The following ADCY9 variants were observed in gnomAD, a reference collection of about 807,000 sequenced individuals.
ADCY9 encodes adenylate cyclase 9.
A neutral mutation model predicts 101.5 loss-of-function variants in ADCY9; 50 were observed. The observed-to-expected ratio is 0.49, with a 90% CI of 0.39 to 0.62. The LOEUF (loss-of-function observed/expected upper bound fraction) is 0.62. Among genes scored for constraint, ADCY9 ranks in the 20% least tolerant of loss-of-function variants. ADCY9 has a pLI of 0.00. For missense variants in ADCY9, 1,662 were observed against 1,800.4 expected, an observed-to-expected ratio of 0.92 and a Z score of 1.39; for synonymous variants, 905 against 769.3, an observed-to-expected ratio of 1.18 and a Z score of -2.92.
intron 6 of ADCY9, among the ~76,000 whole-genome samples, chr16:3,985,009 G>C (rs2056178752): frequency 6.6e-6 from 1 of 152,242 alleles, no homozygotes; most frequent in South Asian, 2.1e-4. Context: ...CTGGGGGTTA[G>C]GGTTTGGTTC....
chr16:4,042,011 C>T (rs1451706881), intron 2 of ADCY9, among the ~76,000 whole-genome samples: 1 of 147,332 alleles, frequency 6.8e-6, no homozygotes, highest in African/African-American at 2.5e-5. Flanking sequence ...GCAACCTCTG[C>T]CTCCCGGGTT....
intron 2 of ADCY9, among the ~76,000 whole-genome samples, chr16:4,111,297 GTTTT>G (rs2057112355): frequency 6.6e-6 from 1 of 152,026 alleles, no homozygotes; most frequent in Admixed American, 6.6e-5. Flanking sequence ...TGTTGTTGTT[GTTTT>G]TTAAGACAGA....
chr16:4,013,450 G>A (rs1391411567), intron 2 of ADCY9, among the ~76,000 whole-genome samples: 2 of 151,922 alleles, frequency 1.3e-5, no homozygotes, highest in Non-Finnish European at 2.9e-5. Context: ...AAAAGAAAAA[G>A]AAGAAAAGAA....
intron 5 of ADCY9, among the ~76,000 whole-genome samples, chr16:3,956,503 T>TGG (rs34702342): frequency 1.4e-5 from 1 of 69,576 alleles, no homozygotes; most frequent in African/African-American, 4.0e-5. Flanking sequence ...TTTTTTTTTT[T>TGG]GGGGGGGGAT....
chr16:3,989,586 GT>G (rs935729275), intron 5 of ADCY9, among the ~76,000 whole-genome samples: 93 of 152,276 alleles, frequency 6.1e-4, no homozygotes, highest in Middle Eastern at 3.4e-3. Context: ...CACCATGTTG[GT>G]CAGGCTGGTC....
intron 2 of ADCY9, among the ~76,000 whole-genome samples, chr16:4,021,466 GC>G (rs1289269636): frequency 3.9e-5 from 6 of 152,228 alleles, no homozygotes; most frequent in Admixed American, 3.9e-4. Context: ...GCCTCGGGAG[GC>G]CCCCTACCCA....
intron 2 of ADCY9, among the ~76,000 whole-genome samples, chr16:4,018,096 C>G (rs1270895506): frequency 6.6e-6 from 1 of 152,256 alleles, no homozygotes; most frequent in Non-Finnish European, 1.5e-5. Context: ...TATACCTGCA[C>G]TGACACCTCC....
intron 2 of ADCY9, among the ~76,000 whole-genome samples, chr16:4,035,684 C>G (rs971747557): frequency 7.2e-5 from 11 of 152,090 alleles, no homozygotes; most frequent in Non-Finnish European, 1.6e-4. Context: ...CGACCTCCAG[C>G]CTCCCAGGTC....
chr16:4,011,335 T>A (rs541620852), intron 2 of ADCY9, among the ~76,000 whole-genome samples: 1 of 152,010 alleles, frequency 6.6e-6, no homozygotes, highest in African/African-American at 2.4e-5. Flanking sequence ...GGGCACTGTG[T>A]GGGCCATCCT....
In ADCY9 at chr16:3,964,600, C is replaced by G. The variant is rs1274335731; in HGVS notation, c.*1175G>C. The G allele has an allele frequency of 6.6e-6, 1 of 152,496 alleles. No individual in the cohort carries two copies. Among genetic ancestry groups the G allele is most frequent in the Non-Finnish European group, 1.5e-5 (1 of 68,268 alleles). 9.4% of individuals were successfully genotyped at this position (152,496 alleles called of 1,614,324 possible). A position where few individuals can be genotyped will look rare whatever the true frequency, so the allele number is the denominator to read the frequency against. On this transcript the variant is annotated 3_prime_UTR_variant, in exon 11 of 11. Coordinates refer to ENST00000294016, the MANE Select transcript of ADCY9 (RefSeq NM_001116.4). ...CAAGATGGCACCGGTGCTGCCGGCACAGACCCCCGTGGTTCTGAGCTGGAC... is the reference window on the plus strand; with the variant it reads ...CAAGATGGCACCGGTGCTGCCGGCAGAGACCCCCGTGGTTCTGAGCTGGAC...
chr16:4,044,965 G>A (rs971680142), intron 2 of ADCY9, among the ~76,000 whole-genome samples: 2 of 152,154 alleles, frequency 1.3e-5, no homozygotes, highest in Admixed American at 1.3e-4. Flanking sequence ...AGATGAGGCT[G>A]TGCTGGCTCG....
At chr16:4,057,168 T>C (rs1170713456) in intron 2 of ADCY9, among the ~76,000 whole-genome samples, 1 of 152,004 alleles carries the variant, frequency 6.6e-6, no homozygotes, top group Admixed American at 6.6e-5. Context: ...AAGAGAAGCG[T>C]CTGGTTCTGT....
chr16:4,004,824 G>A (rs1402735341), intron 3 of ADCY9, among the ~76,000 whole-genome samples: 1 of 152,210 alleles, frequency 6.6e-6, no homozygotes, highest in Non-Finnish European at 1.5e-5. Flanking sequence ...GCGTGGTGGA[G>A]CTGAACGGTG....
At chr16:3,986,924 G>A (rs1302890583) in intron 6 of ADCY9, among the ~76,000 whole-genome samples, 2 of 152,200 alleles carry the variant, frequency 1.3e-5, no homozygotes, top group Non-Finnish European at 2.9e-5. Context: ...TCCTTCAACA[G>A]CTCCCCATGG....
rs149661454 is a variant in ADCY9, at chr16:4,114,618, C to G, written c.825G>C (p.Gly275=). ...DEACFPSPGA[G]ALHWELLSRG... is the part of the protein sequence containing the mutation. ...TGCTCAGCAGCTCCCAGTGCAGGGC[C>G]CCGGCTCCGGGCGAGGGGAAGCAGG... Residue 275 remains glycine, a synonymous_variant, in exon 2 of 11, where the codon GGG becomes GGC. Coordinates refer to ENST00000294016, the MANE Select transcript of ADCY9 (RefSeq NM_001116.4). This position sits in a 1 kb window ranked among gnomAD's most constrained non-coding sequence, Gnocchi z 4.3. 4.9e-5 allele frequency: 79 copies of G among 1,613,746 alleles called. No homozygotes were observed. The African/African-American group carries it at 9.5e-4, about 19-fold the overall frequency.
chr16:4,027,745 T>C (rs577196631), intron 2 of ADCY9, among the ~76,000 whole-genome samples: 26 of 151,956 alleles, frequency 1.7e-4, no homozygotes, highest in East Asian at 1.4e-3. Flanking sequence ...GGTGTGGTGG[T>C]CCATGCCTGT....
At chr16:4,067,365 G>A (rs768658765) in intron 2 of ADCY9, among the ~76,000 whole-genome samples, 7 of 152,094 alleles carry the variant, frequency 4.6e-5, no homozygotes, top group Admixed American at 6.5e-5. Context: ...TCCCTCTTGC[G>A]CTATGCCTGC....
At chr16:4,046,342 C>G (rs1170248829) in intron 2 of ADCY9, among the ~76,000 whole-genome samples, 1 of 152,036 alleles carries the variant, frequency 6.6e-6, no homozygotes, top group Admixed American at 6.6e-5. Flanking sequence ...AACTTATATT[C>G]GTCACCATAT....
intron 2 of ADCY9, among the ~76,000 whole-genome samples, chr16:4,102,961 A>T (rs2057053075): frequency 6.6e-6 from 1 of 152,164 alleles, no homozygotes; most frequent in Admixed American, 6.5e-5. Context: ...ACCTCAGGTG[A>T]TCCACCCACC....
Sources: allele counts gnomAD v4.1 joint callset (sites outside exome capture counted in the v4.1 genomes callset), GRCh38; gene constraint gnomAD v4.1.1; non-coding constraint Gnocchi (gnomAD v3.1); transcripts MANE v1.5; gene names NCBI Gene and HGNC (gene_info 2026-07-23, HGNC 2026-07-21).